MIPOL1: variants seen among roughly 807,000 people sequenced by gnomAD.
MIPOL1 encodes mirror-image polydactyly 1.
Under a neutral mutation model 60.9 loss-of-function variants are expected in MIPOL1, and 57 were observed. The observed-to-expected ratio is 0.94, with a 90% CI of 0.76 to 1.17. The LOEUF (loss-of-function observed/expected upper bound fraction) is 1.17. MIPOL1 is among the 50% of genes most tolerant of loss of function. The pLI, the probability that MIPOL1 is intolerant of heterozygous loss-of-function variation, is 0.00. For missense variants in MIPOL1, 551 were observed against 511.6 expected (o/e 1.08, Z -0.74); for synonymous variants, 179 against 168.8 (o/e 1.06, Z -0.47).
chr14:37,538,977 C>T (rs944288564), intron 12 of MIPOL1, among the ~76,000 whole-genome samples: 4 of 152,152 alleles, frequency 2.6e-5, no homozygotes, highest in African/African-American at 7.2e-5. Flanking sequence ...CCGAGGCAGG[C>T]GGATCACGAG....
chr14:37,247,709 C>A, intron 2 of MIPOL1, 120 bp from the exon 3 acceptor site: 2 of 546,878 alleles, frequency 3.7e-6, no homozygotes, highest in Non-Finnish European at 6.4e-6. Flanking sequence ...TTAATTGTCC[C>A]ATTGTAAATG....
chr14:37,453,815 A>G (rs2094448582), intron 11 of MIPOL1, among the ~76,000 whole-genome samples: 2 of 152,184 alleles, frequency 1.3e-5, no homozygotes, highest in Non-Finnish European at 2.9e-5. Flanking sequence ...TTCTTTGCAG[A>G]TGCATTCTTT....
intron 7 of MIPOL1, among the ~76,000 whole-genome samples, chr14:37,298,781 TAA>T (rs1345345593): frequency 6.6e-6 from 1 of 151,474 alleles, no homozygotes; most frequent in Non-Finnish European, 1.5e-5. Context: ...TGGCAATCAT[TAA>T]AAAGTCAGGA....
chr14:37,415,399 G>T (rs2093748128), intron 10 of MIPOL1, among the ~76,000 whole-genome samples: 1 of 152,014 alleles, frequency 6.6e-6, no homozygotes, highest in Admixed American at 6.6e-5. Flanking sequence ...GAGGCAGGCG[G>T]ATCACGAGGT....
intron 1 of MIPOL1, among the ~76,000 whole-genome samples, chr14:37,220,810 C>T (rs1474991127): frequency 6.6e-6 from 1 of 152,166 alleles, no homozygotes; most frequent in African/African-American, 2.4e-5. Context: ...GAGTCTCCCT[C>T]TGTCCCCCGG....
chr14:37,295,776 C>G (rs4900753), intron 7 of MIPOL1, among the ~76,000 whole-genome samples: 146,618 of 152,228 alleles, frequency 0.96, 70,710 homozygotes, highest in East Asian at 1. Flanking sequence ...TATATGTACC[C>G]AATACAGGAG....
chr14:37,513,973 C>T (rs141498178), intron 12 of MIPOL1, among the ~76,000 whole-genome samples: 3 of 152,124 alleles, frequency 2.0e-5, no homozygotes, highest in African/African-American at 4.8e-5. Flanking sequence ...AATGCCAGTA[C>T]TACAGTGATT....
chr14:37,351,815 T>G (rs1176901664), intron 9 of MIPOL1, among the ~76,000 whole-genome samples: 1 of 143,718 alleles, frequency 7.0e-6, no homozygotes, highest in Admixed American at 7.1e-5. Flanking sequence ...ATTAGCCCTT[T>G]GTCAGATGAG....
At chr14:37,340,227 GTGTGT>G (rs1338922303) in intron 9 of MIPOL1, among the ~76,000 whole-genome samples, 1 of 151,778 alleles carries the variant, frequency 6.6e-6, no homozygotes, top group Non-Finnish European at 1.5e-5. Context: ...AGGTTAATGT[GTGTGT>G]TTTTGTCTTT....
intron 10 of MIPOL1, among the ~76,000 whole-genome samples, chr14:37,378,459 A>G (rs375070843): frequency 2.0e-4 from 30 of 152,206 alleles, no homozygotes; most frequent in African/African-American, 7.2e-4. Context: ...TCCCAAAGTG[A>G]CAAAATTATA....
chr14:37,477,809 C>T (rs2094800826), intron 11 of MIPOL1, among the ~76,000 whole-genome samples: 1 of 152,212 alleles, frequency 6.6e-6, no homozygotes, highest in Admixed American at 6.5e-5. Context: ...AATAAAGTGG[C>T]ATGTGTGCAG....
chr14:37,438,008 G>A (rs548322880), intron 11 of MIPOL1, among the ~76,000 whole-genome samples: 15 of 152,030 alleles, frequency 9.9e-5, no homozygotes, highest in Admixed American at 3.3e-4. Context: ...ACAAGTTTTC[G>A]CTGTAGTTAA....
chr14:37,390,077 G>A (rs2093192903), intron 10 of MIPOL1, among the ~76,000 whole-genome samples: 1 of 151,836 alleles, frequency 6.6e-6, no homozygotes, highest in Non-Finnish European at 1.5e-5. Context: ...AAATTAGCCA[G>A]GCATGGTGGT....
chr14:37,304,201 T>A (rs2086585790), intron 7 of MIPOL1, among the ~76,000 whole-genome samples: 1 of 151,786 alleles, frequency 6.6e-6, no homozygotes, highest in Admixed American at 6.6e-5. Flanking sequence ...AATCTTCAGA[T>A]CCTTTGTTGT....
intron 12 of MIPOL1, among the ~76,000 whole-genome samples, chr14:37,545,475 G>C (rs1277763512): frequency 2.6e-5 from 4 of 152,096 alleles, no homozygotes. Flanking sequence ...TTCTAGTTCA[G>C]GTATTTGTAC....
intron 9 of MIPOL1, among the ~76,000 whole-genome samples, chr14:37,353,371 T>G (rs1237413020): frequency 8.1e-6 from 1 of 123,906 alleles, no homozygotes; most frequent in Non-Finnish European, 1.7e-5. Flanking sequence ...AATTCTCTTT[T>G]TTTGTTGTGT....
At chr14:37,324,097 A>G (rs1391420567) in intron 9 of MIPOL1, among the ~76,000 whole-genome samples, 1 of 151,966 alleles carries the variant, frequency 6.6e-6, no homozygotes, top group Non-Finnish European at 1.5e-5. Context: ...GAATTGCTGG[A>G]TTATAAGATA....
chr14:37,372,635 A>G (rs1302726206), intron 10 of MIPOL1, among the ~76,000 whole-genome samples: 3 of 151,888 alleles, frequency 2.0e-5, no homozygotes, highest in African/African-American at 7.3e-5. Flanking sequence ...GGTGCCTGTA[A>G]TCCTAGCTAC....
intron 12 of MIPOL1, among the ~76,000 whole-genome samples, chr14:37,530,378 T>C (rs536244362): frequency 3.3e-5 from 5 of 152,108 alleles, no homozygotes; most frequent in Admixed American, 1.3e-4. Context: ...ATGGCAGATA[T>C]AAAACTCATC....
Sources: gnomAD v4.1 joint callset for allele counts (sites outside exome capture counted in the v4.1 genomes callset) on GRCh38, gnomAD v4.1.1 for gene constraint, MANE v1.5 for transcripts, NCBI Gene and HGNC (gene_info 2026-07-23, HGNC 2026-07-21) for gene names.